Variants in SKAP1 observed in about 807,000 individuals in gnomAD.
The protein encoded by SKAP1 is src kinase associated phosphoprotein 1.
Under a neutral mutation model 58.5 loss-of-function variants are expected in SKAP1, and 44 were observed. The ratio of observed to expected loss-of-function variants is 0.75; its 90% CI spans 0.59 to 0.97. The LOEUF is 0.97. SKAP1 is among the 50% of genes least tolerant of loss of function. The probability of loss-of-function intolerance (pLI) is 0.00; values close to 1 mark genes in which losing one functional copy is unlikely to be tolerated. For synonymous variants in SKAP1, 127 were observed against 149.7 expected (o/e 0.85, Z 1.11); for missense variants, 390 against 435.2 (o/e 0.90, Z 0.92).
chr17:48,239,953 C>G (rs528547158), intron 4 of SKAP1, among the ~76,000 whole-genome samples: 4 of 151,888 alleles, frequency 2.6e-5, no homozygotes, highest in Non-Finnish European at 4.4e-5. Flanking sequence ...TCATCAGTAA[C>G]ATAACTCTAT....
chr17:48,286,875 A>ATCACGAGG (rs1453687870), intron 4 of SKAP1, among the ~76,000 whole-genome samples: 1 of 152,184 alleles, frequency 6.6e-6, no homozygotes, highest in Non-Finnish European at 1.5e-5. Flanking sequence ...AGGCGGGTGG[A>ATCACGAGG]TCACGAGGTC....
chr17:48,225,884 C>G (rs1426453115), intron 4 of SKAP1, among the ~76,000 whole-genome samples: 1 of 152,194 alleles, frequency 6.6e-6, no homozygotes, highest in Admixed American at 6.5e-5. Context: ...CGAGAAAAGA[C>G]AGATCAATCC....
chr17:48,242,901 C>G (rs982906707), intron 4 of SKAP1, among the ~76,000 whole-genome samples: 26 of 152,090 alleles, frequency 1.7e-4, no homozygotes, highest in African/African-American at 6.3e-4. Flanking sequence ...AAGACTTGAG[C>G]CTGTACTGTA....
At chr17:48,153,038 CACACACACACAT>C (rs112185086) in intron 11 of SKAP1, among the ~76,000 whole-genome samples, 4,828 of 151,106 alleles carry the variant, frequency 0.032, 93 homozygotes, top group East Asian at 0.054. Flanking sequence ...CACACACACA[CACACACACACAT>C]ACATACACAG....
intron 4 of SKAP1, among the ~76,000 whole-genome samples, chr17:48,257,356 G>T (rs1430016224): frequency 6.6e-6 from 1 of 152,020 alleles, no homozygotes; most frequent in Admixed American, 6.6e-5. Context: ...TATCCAAACA[G>T]TATTTAGCCA....
chr17:48,333,003 C>T (rs2066525556), intron 4 of SKAP1, among the ~76,000 whole-genome samples: 1 of 152,048 alleles, frequency 6.6e-6, no homozygotes, highest in Non-Finnish European at 1.5e-5. Context: ...TTTGCCTATT[C>T]TAGATAGGAA....
At chr17:48,194,307 C>T (rs989683786) in intron 4 of SKAP1, among the ~76,000 whole-genome samples, 1 of 152,088 alleles carries the variant, frequency 6.6e-6, no homozygotes, top group Non-Finnish European at 1.5e-5. Context: ...TTGTATCCCA[C>T]CCACATCAAA....
chr17:48,351,437 T>C (rs981955456), intron 3 of SKAP1, among the ~76,000 whole-genome samples: 2 of 152,148 alleles, frequency 1.3e-5, no homozygotes, highest in Non-Finnish European at 2.9e-5. Context: ...CTCTCTTTTT[T>C]TTTTCCTTTA....
At chr17:48,418,223 A>G (rs2067755255) in intron 1 of SKAP1, among the ~76,000 whole-genome samples, 1 of 152,126 alleles carries the variant, frequency 6.6e-6, no homozygotes, top group African/African-American at 2.4e-5. Context: ...CTGGAAGATT[A>G]AGGCTGCAGT....
At chr17:48,179,159 G>C (rs931685988) in intron 9 of SKAP1, among the ~76,000 whole-genome samples, 1 of 152,174 alleles carries the variant, frequency 6.6e-6, no homozygotes, top group African/African-American at 2.4e-5. Context: ...GGTTCATCTG[G>C]GTTCATCTGG....
At chr17:48,181,057 A>G (rs989139810) in intron 8 of SKAP1, among the ~76,000 whole-genome samples, 1 of 152,116 alleles carries the variant, frequency 6.6e-6, no homozygotes, top group African/African-American at 2.4e-5. Context: ...AGGATGGGTG[A>G]GTGCAGTCAG....
chr17:48,175,755 A>G (rs1409399602), intron 9 of SKAP1, among the ~76,000 whole-genome samples: 3 of 152,248 alleles, frequency 2.0e-5, no homozygotes, highest in Non-Finnish European at 4.4e-5. Context: ...CTGAGGAGAC[A>G]TATTTGAGCA....
At chr17:48,407,597 G>A (rs1482689105) in intron 1 of SKAP1, among the ~76,000 whole-genome samples, 1 of 152,176 alleles carries the variant, frequency 6.6e-6, no homozygotes, top group African/African-American at 2.4e-5. Context: ...AGTGGCTCAC[G>A]CCTGTAATCC....
At chr17:48,443,600 C>T in the SKAP1 span, among the ~76,000 whole-genome samples, 3 of 152,006 alleles carry the variant, frequency 2.0e-5, no homozygotes, top group Non-Finnish European at 4.4e-5. Flanking sequence ...CTCAGACTTC[C>T]GAATAGCTGA....
At chr17:48,209,565 C>A (rs1394907974) in intron 4 of SKAP1, among the ~76,000 whole-genome samples, 1 of 152,106 alleles carries the variant, frequency 6.6e-6, no homozygotes, top group East Asian at 1.9e-4. Flanking sequence ...GCTCTGTGTT[C>A]TAAGGTTGGA....
At chr17:48,341,982 C>T (rs2066659213) in intron 4 of SKAP1, among the ~76,000 whole-genome samples, 1 of 152,148 alleles carries the variant, frequency 6.6e-6, no homozygotes, top group Non-Finnish European at 1.5e-5. Flanking sequence ...AGAATGATCA[C>T]TTTCCCCAAT....
intron 4 of SKAP1, among the ~76,000 whole-genome samples, chr17:48,216,712 G>T (rs7219967): frequency 0.56 from 84,785 of 151,704 alleles, 24,658 homozygotes; most frequent in East Asian, 0.77. Context: ...GGCTAGTCTC[G>T]AACTCCTGAG....
chr17:48,408,510 T>G (rs1229552996), intron 1 of SKAP1, among the ~76,000 whole-genome samples: 1 of 152,070 alleles, frequency 6.6e-6, no homozygotes. Context: ...CAGAAAGCAA[T>G]CAGTTTAAGG....
chr17:48,165,012 C>T (rs1045399613), intron 10 of SKAP1, among the ~76,000 whole-genome samples: 1 of 152,190 alleles, frequency 6.6e-6, no homozygotes, highest in Non-Finnish European at 1.5e-5. Context: ...ACTGGGAATC[C>T]CACATTGGCC....
Sources: allele counts gnomAD v4.1 joint callset (sites outside exome capture counted in the v4.1 genomes callset), GRCh38; gene constraint gnomAD v4.1.1; transcripts MANE v1.5; gene names NCBI Gene and HGNC (gene_info 2026-07-23, HGNC 2026-07-21).